The following KEAP1 variants were observed in gnomAD, a reference collection of about 807,000 sequenced individuals.
KEAP1 encodes the protein kelch like ECH associated protein 1.
A neutral mutation model predicts 59.7 loss-of-function variants in KEAP1; 26 were observed. That is an observed-to-expected ratio of 0.44 (90% CI 0.32 to 0.60). The LOEUF (loss-of-function observed/expected upper bound fraction) is 0.60, where lower values mean the gene tolerates loss of function less well. Ranked by LOEUF, KEAP1 falls within the 20% of genes least tolerant of loss-of-function variation. The pLI is 0.06. For missense variants in KEAP1, 539 were observed against 871.4 expected (o/e 0.62, Z 4.80); for synonymous variants, 350 against 358.3 (o/e 0.98, Z 0.26).
intron 2 of KEAP1, among the ~76,000 whole-genome samples, chr19:10,493,430 G>A (rs1162307768): frequency 4.6e-5 from 7 of 151,910 alleles, no homozygotes; most frequent in Non-Finnish European, 1.0e-4. Flanking sequence ...CCAAAGTGCT[G>A]GGATTACAGG....
intron 2 of KEAP1, among the ~76,000 whole-genome samples, chr19:10,493,123 G>C (rs1000653506): frequency 1.3e-5 from 2 of 150,312 alleles, no homozygotes; most frequent in African/African-American, 4.9e-5. Context: ...AGCCTCCCAA[G>C]TAGCTAGGAT....
chr19:10,489,942 T>A (rs2144592029), intron 3 of KEAP1, 89 bp from the exon 4 acceptor site: 1 of 1,293,906 alleles, frequency 7.7e-7, no homozygotes, highest in East Asian at 2.5e-5. Context: ...TTTTTTCCTT[T>A]TTTTTTTCCC....
At chr19:10,500,123 T>G in intron 1 of KEAP1, 43 bp from the exon 2 acceptor site, 2 of 1,381,282 alleles carry the variant, frequency 1.4e-6, no homozygotes, top group Non-Finnish European at 1.9e-6. Flanking sequence ...GGGTTGGGAC[T>G]GGGCCAGCAC....
At chr19:10,488,083 G>A (rs533721781) in intron 5 of KEAP1, among the ~76,000 whole-genome samples, 6 of 152,110 alleles carry the variant, frequency 3.9e-5, no homozygotes, top group East Asian at 3.9e-4. Context: ...AGCCGAGATC[G>A]AGCCATTGCA....
chr19:10,497,514 T>C (rs947336780), intron 2 of KEAP1, among the ~76,000 whole-genome samples: 1 of 152,090 alleles, frequency 6.6e-6, no homozygotes, highest in Non-Finnish European at 1.5e-5. Flanking sequence ...CATAGGACAG[T>C]TGGGAACAGT....
Position 10,489,839 on chromosome 19 carries a change from C to T in KEAP1, c.1340G>A (p.Arg447Gln), listed in dbSNP as rs769880997. The change falls in exon 4 of 6, where the codon CGG (arginine) becomes CAG (glutamine). Residue 447 changes from arginine to glutamine, a missense_variant. By Grantham distance (43) the Arg-to-Gln change is conservative (BLOSUM62 1). Around this residue, in one of 4 missense-constraint regions of KEAP1, gnomAD observed 311 missense variants for 425.2 expected, o/e 0.73. Coordinates refer to ENST00000171111, the MANE Select transcript of KEAP1 (RefSeq NM_203500.2). ...HNSVERYEPERDEWHLVAPML... is the reference protein window; with the variant it reads ...HNSVERYEPEQDEWHLVAPML... ...TGGGGCCACCAAGTGCCACTCATCCCGCTCTGGCTCATACCTGCAAGGGCG... is the reference window on the plus strand; with the variant it reads ...TGGGGCCACCAAGTGCCACTCATCCTGCTCTGGCTCATACCTGCAAGGGCG... 6.2e-6 allele frequency: 10 copies of T among 1,613,652 alleles called. No individual in the cohort carries two copies. The highest frequency in any genetic ancestry group is 5.0e-5 in the Admixed American group (3 of 59,900).
At position 10,499,976 on chromosome 19, in the gene KEAP1, G is replaced by A. The variant is rs2144631097; in HGVS notation, c.58C>T (p.Gln20Ter). 1 of 1,589,894 alleles carries A rather than the reference G, an allele frequency of 6.3e-7. No homozygotes were observed. Among genetic ancestry groups the A allele is most frequent in the Non-Finnish European group, 8.6e-7 (1 of 1,163,304 alleles). ...CCTGCCCCCTCAGGGCACTGTGACTGCAGGGGCAGGAATCGGCAGCAGGCC... is the reference window on the plus strand; with the variant it reads ...CCTGCCCCCTCAGGGCACTGTGACTACAGGGGCAGGAATCGGCAGCAGGCC... ...AGACCRFLPL[Q>*]SQCPEGAGDA... The change falls in exon 2 of 6, where the codon CAG (glutamine) becomes TAG (stop). Residue 20 changes from glutamine (Q) to a stop codon, truncating the protein, a stop_gained. Coordinates refer to ENST00000171111, the MANE Select transcript of KEAP1 (RefSeq NM_203500.2). LOFTEE classifies it high-confidence loss of function. The surrounding 1 kb of genome is among the most constrained non-coding windows in gnomAD (Gnocchi z 6.7).
chr19:10,500,081 C>CT lies in KEAP1; in HGVS notation c.-47-2dup. On this transcript the variant is annotated splice_acceptor_variant, in intron 1 of 5. Transcript: ENST00000171111. LOFTEE classifies it low-confidence loss of function (5UTR_SPLICE). The stretch of plus-strand genomic sequence containing the variant: ...ACCACCACCTCTGGCACTCAGGGAC[C>CT]TGGAGGGGAGAGAGCACAGGGCAGA... 1 of 1,512,530 alleles carries CT rather than the reference C, an allele frequency of 6.6e-7. No individual in the cohort carries two copies. Among genetic ancestry groups the CT allele is most frequent in the Admixed American group, 2.2e-5 (1 of 44,658 alleles). 93.7% of individuals were successfully genotyped at this position (1,512,530 alleles called of 1,614,324 possible).
At position 10,499,391 on chromosome 19, in the gene KEAP1, T is replaced by A. The variant is rs779354373; in HGVS notation, c.639+4A>T. ...ACTGCCCCCAGCCCCACTTCCCCGC[T>A]CACCTCCCCAAAATGCATGTAGATG... On this transcript the variant is annotated splice_donor_region_variant and intron_variant, in intron 2 of 5. Transcript: ENST00000171111. The surrounding 1 kb of genome is among the most constrained non-coding windows in gnomAD (Gnocchi z 6.7). The A allele has an allele frequency of 5.1e-6, 8 of 1,583,810 alleles. No individual in the cohort carries two copies. In the South Asian group the frequency reaches 9.1e-5, roughly 18 times the overall value.
At position 10,502,700 on chromosome 19, in the gene KEAP1, G is replaced by T. The variant is rs1292405879; in HGVS notation, c.-48+541C>A. On this transcript the variant is annotated intron_variant, in intron 1 of 5. Transcript: ENST00000171111. This position sits in a 1 kb window ranked among gnomAD's most constrained non-coding sequence, Gnocchi z 4.0. ...GGGCACATCCCGCCTCACTCACCCCGCCATGGCCGCGCTCCGGCTCCGCCT... is the reference window on the plus strand; with the variant it reads ...GGGCACATCCCGCCTCACTCACCCCTCCATGGCCGCGCTCCGGCTCCGCCT... The T allele has an allele frequency of 6.6e-6, 1 of 151,976 alleles. No individual in the cohort carries two copies. The highest frequency in any genetic ancestry group is 1.5e-5 in the Non-Finnish European group (1 of 67,992). 9.4% of individuals were successfully genotyped at this position (151,976 alleles called of 1,614,324 possible). A position where few individuals can be genotyped will look rare whatever the true frequency, so the allele number is the denominator to read the frequency against.
intron 2 of KEAP1, among the ~76,000 whole-genome samples, chr19:10,494,327 CTTT>C (rs1195911183): frequency 9.1e-6 from 1 of 110,398 alleles, no homozygotes; most frequent in Non-Finnish European, 1.8e-5. Flanking sequence ...CCTGGCTTGG[CTTT>C]TTTTTTTTTT....
chr19:10,488,639 A>G (rs906801997), intron 5 of KEAP1, among the ~76,000 whole-genome samples: 1 of 147,916 alleles, frequency 6.8e-6, no homozygotes, highest in African/African-American at 2.5e-5. Flanking sequence ...AAACAAAACA[A>G]AAAACAAAAC....
intron 2 of KEAP1, among the ~76,000 whole-genome samples, chr19:10,497,955 C>A (rs987316870): frequency 1.5e-4 from 23 of 152,026 alleles, no homozygotes; most frequent in Non-Finnish European, 2.8e-4. Flanking sequence ...GGCTGGAGTG[C>A]AATGGCGCAA....
rs538357872 is a variant in KEAP1, at chr19:10,502,189, C to T, written c.-48+1052G>A. On this transcript the variant is annotated intron_variant, in intron 1 of 5. Transcript: ENST00000171111. The surrounding 1 kb of genome is among the most constrained non-coding windows in gnomAD (Gnocchi z 4.0). ...GCCACCGTGCCTGCCAGAGCGGCCT[C>T]CTCCACCCTCCCTGGGTGCCACTCG... Among the ~76,000 whole-genome samples, 26 of 152,286 alleles carry T rather than the reference C, an allele frequency of 1.7e-4. No individual in the cohort carries two copies. The highest frequency in any genetic ancestry group is 1.4e-3 in the Admixed American group (22 of 15,274).
intron 2 of KEAP1, among the ~76,000 whole-genome samples, chr19:10,493,836 C>A (rs141749460): frequency 6.6e-6 from 1 of 152,042 alleles, no homozygotes; most frequent in African/African-American, 2.4e-5. Flanking sequence ...GCTGGGATTA[C>A]AAGCGTGAGC....
At chr19:10,495,488 A>G (rs1914820921) in intron 2 of KEAP1, among the ~76,000 whole-genome samples, 1 of 152,170 alleles carries the variant, frequency 6.6e-6, no homozygotes, top group African/African-American at 2.4e-5. Flanking sequence ...ACCTGAGGTC[A>G]GAAGTCCGAG....
At position 10,491,831 on chromosome 19, in the gene KEAP1, G is replaced by A. The variant is rs1041969329; in HGVS notation, c.1071C>T (p.Asp357=). ...CCAGGCCGCTCCGCGGCACCTGCAG[G>A]TCCGCCAACCGGAGCCAGGTGCCGT... is the stretch of plus-strand genomic sequence containing the variant. ...PSDGTWLRLA[D]LQVPRSGLAG... is the part of the protein sequence containing the mutation. The change falls in exon 3 of 6, where the codon GAC becomes GAT. Residue 357 remains aspartate, a synonymous_variant. Transcript: ENST00000171111. This position sits in a 1 kb window ranked among gnomAD's most constrained non-coding sequence, Gnocchi z 5.2. 2.5e-6 allele frequency: 4 copies of A among 1,606,256 alleles called. No homozygotes were observed. Among genetic ancestry groups the A allele is most frequent in the Admixed American group, 1.7e-5 (1 of 58,596 alleles).
In KEAP1 at chr19:10,489,947, T is replaced by G. The variant is rs995849484; in HGVS notation, c.1326-94A>C. On this transcript the variant is annotated intron_variant, in intron 3 of 5. Coordinates refer to ENST00000171111, the MANE Select transcript of KEAP1 (RefSeq NM_203500.2). The stretch of plus-strand genomic sequence containing the variant: ...AGATACTCTTTTTTTTCCTTTTTTT[T>G]TTCCCCCTTAAAGAGACAGGTTCAT... 8.6e-6 allele frequency: 11 copies of G among 1,273,182 alleles called. No individual in the cohort carries two copies. The African/African-American group carries it at 1.2e-4, about 14-fold the overall frequency. The allele number at this position is 1,273,182 out of a possible 1,614,324, so 78.9% of individuals were successfully genotyped here. A position where few individuals can be genotyped will look rare whatever the true frequency, so the allele number is the denominator to read the frequency against.
At position 10,491,731 on chromosome 19, in the gene KEAP1, T is replaced by C. The variant is rs1914678299; in HGVS notation, c.1171A>G (p.Ser391Gly). 1 of 1,568,628 alleles carries C rather than the reference T, an allele frequency of 6.4e-7. No individual in the cohort carries two copies. Among genetic ancestry groups the C allele is most frequent in the Middle Eastern group, 1.7e-4 (1 of 5,952 alleles). The stretch of plus-strand genomic sequence containing the variant: ...ATGGGGTTGTAACAGTCCAGGGCGC[T>C]GGAGTCGGTGTTGCCGTCGGGCGAG... ...NNSPDGNTDS[S>G]ALDCYNPMTN... Residue 391 changes from serine to glycine, a missense_variant, in exon 3 of 6, where the codon AGC becomes GGC. Physicochemically the swap from Ser to Gly is moderately conservative, Grantham distance 56. Transcript: ENST00000171111. This position sits in a 1 kb window ranked among gnomAD's most constrained non-coding sequence, Gnocchi z 5.2.
Sources: gnomAD v4.1 joint callset for allele counts (sites outside exome capture counted in the v4.1 genomes callset) on GRCh38, gnomAD v4.1.1 for gene constraint, gnomAD v4.1.1 regional missense constraint, Gnocchi (gnomAD v3.1) non-coding constraint, MANE v1.5 for transcripts, NCBI Gene and HGNC (gene_info 2026-07-23, HGNC 2026-07-21) for gene names.